The following CD6 variants were observed in gnomAD, a reference collection of about 807,000 sequenced individuals.
CD6 encodes T-cell differentiation antigen CD6.
Under a neutral mutation model 75.3 loss-of-function variants are expected in CD6, and 53 were observed. That is an observed-to-expected ratio of 0.70 (90% CI 0.56 to 0.88). The LOEUF (loss-of-function observed/expected upper bound fraction) is 0.88, where lower values mean the gene tolerates loss of function less well. CD6 is among the 40% of genes least tolerant of loss of function. CD6 has a pLI of 0.00. For synonymous variants in CD6, 359 were observed against 381.5 expected (o/e 0.94, Z 0.69); for missense variants, 770 against 897.1 (o/e 0.86, Z 1.81).
intron 3 of CD6, chr11:61,008,210 G>T: frequency 2.3e-6 from 1 of 444,188 alleles, no homozygotes; most frequent in Non-Finnish European, 3.9e-6. Context: ...CCGCTTCCCT[G>T]TCCCCGCCCG....
At position 61,017,923 on chromosome 11, in the gene CD6, T is replaced by G. The variant is rs148566267; in HGVS notation, c.1747T>G (p.Trp583Gly). ...TAGTCCCAAAAGCAAGCTGCCTCCA[T>G]GGAACCCCCAGGTGTTTTCTTCAGA... Reference protein sequence around the residue: ...CNSPKSKLPPWNPQVFSSERS... With the variant: ...CNSPKSKLPPGNPQVFSSERS... Residue 583 changes from tryptophan (W) to glycine (G), a missense_variant, in exon 11 of 13, where the codon TGG (tryptophan) becomes GGG (glycine). Trp to Gly is a radical substitution (Grantham distance 184). Transcript: ENST00000313421. The G allele has an allele frequency of 1.1e-4, 182 of 1,614,000 alleles. 1 individual carries two copies. The African/African-American group carries it at 2.2e-3, about 20-fold the overall frequency.
chr11:60,974,963 G>A (rs1219907674), intron 1 of CD6, among the ~76,000 whole-genome samples: 1 of 152,186 alleles, frequency 6.6e-6, no homozygotes, highest in Non-Finnish European at 1.5e-5. Flanking sequence ...TGAGCTCCGT[G>A]ACTCTAATGC....
intron 12 of CD6, chr11:61,018,676 C>T (rs1859541783): frequency 1.5e-5 from 6 of 401,976 alleles, no homozygotes; most frequent in Non-Finnish European, 2.6e-5. Flanking sequence ...TAAATATTAG[C>T]CAAGGGTAGC....
intron 1 of CD6, among the ~76,000 whole-genome samples, chr11:60,992,311 C>A (rs954934072): frequency 6.6e-6 from 1 of 151,080 alleles, no homozygotes; most frequent in Admixed American, 6.7e-5. Flanking sequence ...AAGTGTGAAC[C>A]ACTGTGCCCA....
At chr11:61,014,046 G>T in intron 8 of CD6, 32 bp downstream of exon 8, 1 of 1,532,208 alleles carries the variant, frequency 6.5e-7, no homozygotes, top group Non-Finnish European at 9.0e-7. Flanking sequence ...GTGTGGGAGG[G>T]CTGGGGAGGA....
Position 61,019,492 on chromosome 11 carries a change from G to A in CD6, c.*174G>A. ...GTACCCCTCGGTCTCCATCCATCAA[G>A]CCAAACCTGCTGCCACAGCCCTCCC... On this transcript the variant is annotated 3_prime_UTR_variant, in exon 13 of 13. Transcript: ENST00000313421. The A allele has an allele frequency of 2.1e-6, 1 of 469,104 alleles. No homozygotes were observed. The highest frequency in any genetic ancestry group is 3.7e-6 in the Non-Finnish European group (1 of 268,476). The allele number at this position is 469,104 out of a possible 1,614,324, so 29.1% of individuals were successfully genotyped here. A position where few individuals can be genotyped will look rare whatever the true frequency, so the allele number is the denominator to read the frequency against.
chr11:61,018,205 G>A (rs149383230), intron 11 of CD6, 84 bp from the exon 12 acceptor site: 178 of 1,337,054 alleles, frequency 1.3e-4, no homozygotes, highest in Non-Finnish European at 1.7e-4. Flanking sequence ...CTTGGCTCTC[G>A]TGAGTCACGT....
At position 61,010,026 on chromosome 11, in the gene CD6, C is replaced by A. The variant is rs1859071790; in HGVS notation, c.1084+152C>A. ...GACTGTTGTCCTTACGGTGCCCAGG[C>A]AGACAGTGCTAATTCATCGAGGTAT... On this transcript the variant is annotated intron_variant, in intron 5 of 12. Coordinates refer to ENST00000313421, the MANE Select transcript of CD6 (RefSeq NM_006725.5). 4.3e-6 allele frequency: 3 copies of A among 695,890 alleles called. No homozygotes were observed. The African/African-American group carries it at 5.4e-5, about 13-fold the overall frequency. The allele number at this position is 695,890 out of a possible 1,614,324, so 43.1% of individuals were successfully genotyped here. A position where few individuals can be genotyped will look rare whatever the true frequency, so the allele number is the denominator to read the frequency against.
At chr11:61,001,009 C>G (rs1858561795) in intron 1 of CD6, among the ~76,000 whole-genome samples, 2 of 152,120 alleles carry the variant, frequency 1.3e-5, no homozygotes, top group African/African-American at 4.8e-5. Context: ...CTGTCTTGTT[C>G]CATCACTTTC....
At chr11:61,009,499 GTGGGTC>G (rs1859039181) in intron 4 of CD6, 67 bp from the exon 5 acceptor site, 4 of 1,371,508 alleles carry the variant, frequency 2.9e-6, no homozygotes, top group Non-Finnish European at 3.9e-6. Context: ...GCCTGCACTG[GTGGGTC>G]TGGGCTGGCG....
intron 1 of CD6, among the ~76,000 whole-genome samples, chr11:61,005,915 G>A (rs1178218117): frequency 6.8e-6 from 1 of 146,264 alleles, no homozygotes. Context: ...TGGGCAACAA[G>A]AGCGAAACTC....
intron 5 of CD6, 67 bp downstream of exon 5, chr11:61,009,941 C>T: frequency 6.8e-7 from 1 of 1,480,802 alleles, no homozygotes; most frequent in Non-Finnish European, 9.0e-7. Flanking sequence ...GTCCTAAAAA[C>T]TTACAGTCCA....
intron 6 of CD6, among the ~76,000 whole-genome samples, chr11:61,011,815 G>A (rs1304602984): frequency 6.6e-6 from 1 of 152,166 alleles, no homozygotes; most frequent in Non-Finnish European, 1.5e-5. Context: ...TGCTAGCTGT[G>A]CCCTGTTGGG....
chr11:60,997,030 C>A (rs554151822), intron 1 of CD6, among the ~76,000 whole-genome samples: 7 of 152,224 alleles, frequency 4.6e-5, no homozygotes, highest in Admixed American at 2.0e-4. Flanking sequence ...TACATAGGTA[C>A]CTTCCCCCCA....
rs748604659 is a variant in CD6, at chr11:61,007,651, C to T, written c.210C>T (p.Cys70=). The part of the protein sequence containing the change: ...VRLEASWEPA[C]GALWDSRAAE... ...TCGAGGCGTCCTGGGAGCCCGCGTG[C>T]GGGGCGCTCTGGGACAGCCGCGCCG... Residue 70 remains cysteine (C), a synonymous_variant, in exon 3 of 13, where the codon TGC becomes TGT. Transcript: ENST00000313421. This position sits in a 1 kb window ranked among gnomAD's most constrained non-coding sequence, Gnocchi z 4.2. 2.3e-5 allele frequency: 33 copies of T among 1,462,268 alleles called. No individual in the cohort carries two copies. Among genetic ancestry groups the T allele is most frequent in the Non-Finnish European group, 2.4e-5 (27 of 1,106,550 alleles). 90.6% of individuals were successfully genotyped at this position (1,462,268 alleles called of 1,614,324 possible).
In CD6 at chr11:61,010,833, C is replaced by G. The variant is rs551026103; in HGVS notation, c.1085-237C>G. 5.4e-4 allele frequency among the ~76,000 whole-genome samples: 82 copies of G among 152,050 alleles called. 1 individual carries two copies. Among genetic ancestry groups the G allele is most frequent in the Admixed American group, 2.7e-3 (41 of 15,294 alleles). ...GCTTACACAGAAAGAAGGGATAATT[C>G]TATTAGCCCTTTATTTTAACCAAAG... On this transcript the variant is annotated intron_variant, in intron 5 of 12. Coordinates refer to ENST00000313421, the MANE Select transcript of CD6 (RefSeq NM_006725.5).
rs556502400 is a variant in CD6 at position 61,019,465 on chromosome 11, T to C, written c.*147T>C. 5.3e-6 allele frequency: 3 copies of C among 564,816 alleles called. No individual in the cohort carries two copies. In the Admixed American group the frequency reaches 9.9e-5, roughly 19 times the overall value. 35.0% of individuals were successfully genotyped at this position (564,816 alleles called of 1,614,324 possible). A position where few individuals can be genotyped will look rare whatever the true frequency, so the allele number is the denominator to read the frequency against. ...GAGAGATGGAAGGAAACGTTATACC[T>C]TGTACCCCTCGGTCTCCATCCATCA... On this transcript the variant is annotated 3_prime_UTR_variant, in exon 13 of 13. Coordinates refer to ENST00000313421, the MANE Select transcript of CD6 (RefSeq NM_006725.5).
chr11:60,980,102 A>G (rs1565141366), intron 1 of CD6, among the ~76,000 whole-genome samples: 2 of 152,242 alleles, frequency 1.3e-5, no homozygotes, highest in Non-Finnish European at 2.9e-5. Flanking sequence ...CTAATGCTGA[A>G]TTTAAATCCA....
chr11:61,014,771 C>T (rs1029708650), intron 8 of CD6, among the ~76,000 whole-genome samples: 1 of 151,976 alleles, frequency 6.6e-6, no homozygotes, highest in Non-Finnish European at 1.5e-5. Context: ...GTCATTCATC[C>T]TTTATGATAT....
Sources: gnomAD v4.1 joint callset for allele counts (sites outside exome capture counted in the v4.1 genomes callset) on GRCh38, gnomAD v4.1.1 for gene constraint, Gnocchi (gnomAD v3.1) non-coding constraint, MANE v1.5 for transcripts, NCBI Gene and HGNC (gene_info 2026-07-23, HGNC 2026-07-21) for gene names.